The following DGKH variants were observed in gnomAD, a reference collection of about 807,000 sequenced individuals.
DGKH encodes DAG kinase eta.
In DGKH, 90 loss-of-function variants were observed where a neutral mutation model predicts 159.3. That is an observed-to-expected ratio of 0.57 (90% CI 0.48 to 0.67). DGKH has a LOEUF of 0.67. Ranked by LOEUF, DGKH falls within the 30% of genes least tolerant of loss-of-function variation. The pLI is 0.00. For synonymous variants in DGKH, 536 were observed against 553.8 expected, an observed-to-expected ratio of 0.97 and a Z score of 0.45; for missense variants, 1,181 against 1,506.1, an observed-to-expected ratio of 0.78 and a Z score of 3.57.
In DGKH at chr13:42,190,515, A is replaced by G; in HGVS notation, c.2025A>G (p.Glu675=). 2 of 1,589,928 alleles carry G rather than the reference A, an allele frequency of 1.3e-6. No homozygotes were observed. The highest frequency in any genetic ancestry group is 1.7e-6 in the Non-Finnish European group (2 of 1,172,112). The change falls in exon 16 of 30, where the codon GAA becomes GAG. Residue 675 remains glutamate, a synonymous_variant. Coordinates refer to ENST00000337343, the MANE Select transcript of DGKH (RefSeq NM_178009.5). Reference sequence around the variant, plus strand: ...AAGCTAAAGATGATGGTGCCAAAGAATCAATAACTGGTGAGGAAACTGGGA... The same window carrying G: ...AAGCTAAAGATGATGGTGCCAAAGAGTCAATAACTGGTGAGGAAACTGGGA... ...KEEAKDDGAK[E]SITVKTAPRS... is the part of the protein sequence containing the mutation.
intron 1 of DGKH, chr13:42,070,711 T>A: frequency 1.2e-6 from 2 of 1,610,958 alleles, no homozygotes; most frequent in Non-Finnish European, 1.7e-6. Flanking sequence ...AAGCCTGGCA[T>A]GCTCTTCCAG....
chr13:42,232,495 T>C lies in DGKH; in HGVS notation c.*3307T>C, dbSNP rs1379585305. 1 of 152,208 alleles carries C rather than the reference T, an allele frequency of 6.6e-6. No homozygotes were observed. Among genetic ancestry groups the C allele is most frequent in the Non-Finnish European group, 1.5e-5 (1 of 68,048 alleles). 9.4% of individuals were successfully genotyped at this position (152,208 alleles called of 1,614,324 possible). On this transcript the variant is annotated 3_prime_UTR_variant, in exon 30 of 30. Transcript: ENST00000337343. ...TCTTTCCTACATCCTGGCTCTTCATTTTCCCAATGCCCAATATAATCATGG... is the reference window on the plus strand; with the variant it reads ...TCTTTCCTACATCCTGGCTCTTCATCTTCCCAATGCCCAATATAATCATGG...
rs780669381 is a variant in DGKH, at chr13:42,165,323, G to T, written c.856-8G>T. ...ATGATTCTTGAAGGTATATTTGTTT[G>T]TCATTAGGTACACACTGCCTGCAAA... is the stretch of plus-strand genomic sequence containing the variant. On this transcript the variant is annotated splice_polypyrimidine_tract_variant and splice_region_variant and intron_variant, in intron 7 of 29. Transcript: ENST00000337343. The T allele has an allele frequency of 3.4e-6, 5 of 1,481,676 alleles. No homozygotes were observed. Among genetic ancestry groups the T allele is most frequent in the Middle Eastern group, 1.7e-4 (1 of 5,744 alleles). The allele number at this position is 1,481,676 out of a possible 1,614,324, so 91.8% of individuals were successfully genotyped here.
chr13:42,064,666 A>C (rs1180491296), intron 1 of DGKH, among the ~76,000 whole-genome samples: 1 of 152,222 alleles, frequency 6.6e-6, no homozygotes, highest in African/African-American at 2.4e-5. Flanking sequence ...AATTTAAAAA[A>C]GGAAAGAAAG....
At chr13:42,138,088 G>A in intron 3 of DGKH, 3 of 985,364 alleles carry the variant, frequency 3.0e-6, no homozygotes, top group Non-Finnish European at 3.6e-6. Context: ...GCTGAAAGGG[G>A]CCTTCAAGAA....
chr13:42,215,701 A>G (rs1478148714), intron 26 of DGKH, 34 bp downstream of exon 26: 1 of 1,553,962 alleles, frequency 6.4e-7, no homozygotes, highest in East Asian at 2.3e-5. Flanking sequence ...CATAAGAATG[A>G]TGAATTAAAT....
At chr13:42,171,827 T>TA (rs1956462702) in intron 11 of DGKH, among the ~76,000 whole-genome samples, 1 of 116,690 alleles carries the variant, frequency 8.6e-6, no homozygotes, top group African/African-American at 3.0e-5. Context: ...AATATAAATT[T>TA]CTTTTTTTTT....
intron 11 of DGKH, among the ~76,000 whole-genome samples, chr13:42,169,298 T>C (rs1486521101): frequency 6.6e-6 from 1 of 152,178 alleles, no homozygotes; most frequent in Non-Finnish European, 1.5e-5. Flanking sequence ...GAACTAGATA[T>C]GTTAAAATAT....
chr13:42,065,324 A>G (rs1882485035), intron 1 of DGKH, among the ~76,000 whole-genome samples: 1 of 152,240 alleles, frequency 6.6e-6, no homozygotes, highest in South Asian at 2.1e-4. Context: ...ATTCCACAGT[A>G]GGAAGGGAAG....
In DGKH at chr13:42,187,088, A is replaced by G. The variant is rs1956950331; in HGVS notation, c.1578A>G (p.Val526=). ...CTGTAAAGGACTTCGTTGCCAAAGT[A>G]GAAAAGACGTATGACAAAACCTTGG... ...CETVKDFVAK[V]EKTYDKTLEN... is the part of the protein sequence containing the mutation. The change falls in exon 14 of 30, where the codon GTA becomes GTG. Residue 526 remains valine, a synonymous_variant. Coordinates refer to ENST00000337343, the MANE Select transcript of DGKH (RefSeq NM_178009.5). 4 of 1,614,158 alleles carry G rather than the reference A, an allele frequency of 2.5e-6. No homozygotes were observed. In the Admixed American group the frequency reaches 6.7e-5, roughly 27 times the overall value.
intron 5 of DGKH, 146 bp downstream of exon 5, chr13:42,155,945 T>C (rs1956032981): frequency 1.1e-6 from 1 of 943,758 alleles, no homozygotes; most frequent in Non-Finnish European, 1.5e-6. Flanking sequence ...AAAAACATAG[T>C]CATTTAAAGG....
chr13:42,090,618 GA>G (rs1258932149), intron 1 of DGKH, among the ~76,000 whole-genome samples: 2 of 152,180 alleles, frequency 1.3e-5, no homozygotes, highest in East Asian at 3.8e-4. Context: ...GATTTTCCAT[GA>G]CGATGCTAAG....
rs546269093 is a variant in DGKH, at chr13:42,179,580, C to T, written c.1538+1360C>T. On this transcript the variant is annotated intron_variant, in intron 13 of 29. Coordinates refer to ENST00000337343, the MANE Select transcript of DGKH (RefSeq NM_178009.5). ...TTGAAGCCCAGGAGTTCAAGACCAG[C>T]CTGGGCAATATGACAAAACCTCATC... is the stretch of plus-strand genomic sequence containing the variant. 6.1e-4 allele frequency among the ~76,000 whole-genome samples: 93 copies of T among 152,150 alleles called. 1 individual carries two copies. Among genetic ancestry groups the T allele is most frequent in the African/African-American group, 2.0e-3 (85 of 41,520 alleles).
At chr13:42,139,042 A>G (rs1034409934) in intron 3 of DGKH, among the ~76,000 whole-genome samples, 1 of 152,072 alleles carries the variant, frequency 6.6e-6, no homozygotes, top group Non-Finnish European at 1.5e-5. Context: ...TGGGTGTTTC[A>G]TATTTATCTT....
At chr13:42,254,285 C>T (rs1339035286) in intron 30 of DGKH, among the ~76,000 whole-genome samples, 2 of 152,256 alleles carry the variant, frequency 1.3e-5, no homozygotes, top group East Asian at 1.9e-4. Context: ...GGGACATGTT[C>T]ATACAAATCA....
At chr13:42,045,502 G>C (rs150853049), upstream of DGKH, among the ~76,000 whole-genome samples, 820 of 152,270 alleles carry the variant, frequency 5.4e-3, 6 homozygotes, top group African/African-American at 0.018. Context: ...TCAGATACGA[G>C]GATGACCATA....
intron 25 of DGKH, among the ~76,000 whole-genome samples, chr13:42,214,885 T>A (rs899432674): frequency 2.0e-5 from 3 of 152,198 alleles, no homozygotes; most frequent in Admixed American, 2.0e-4. Flanking sequence ...TGAACTTTAA[T>A]CGTCCTTTCT....
chr13:42,129,275 C>T (rs543911071), intron 2 of DGKH, among the ~76,000 whole-genome samples: 6 of 152,308 alleles, frequency 3.9e-5, no homozygotes, highest in African/African-American at 9.6e-5. Context: ...GCAGGTTCCC[C>T]GTAAGTGGTA....
intron 3 of DGKH, among the ~76,000 whole-genome samples, chr13:42,154,126 G>T (rs1955982760): frequency 6.6e-6 from 1 of 152,108 alleles, no homozygotes; most frequent in South Asian, 2.1e-4. Context: ...CTTTTTGTTT[G>T]TTTGTTTTAG....
Sources: allele counts gnomAD v4.1 joint callset (sites outside exome capture counted in the v4.1 genomes callset), GRCh38; gene constraint gnomAD v4.1.1; transcripts MANE v1.5; gene names NCBI Gene and HGNC (gene_info 2026-07-23, HGNC 2026-07-21).